Variants in CHD9 observed in about 807,000 individuals in gnomAD.
CHD9 encodes chromodomain helicase DNA binding protein 9.
In CHD9, 77 loss-of-function variants were observed where a neutral mutation model predicts 316.1. That is an observed-to-expected ratio of 0.24 (90% confidence interval 0.20 to 0.29). CHD9 has a LOEUF of 0.29. Ranked by LOEUF, CHD9 falls within the 10% of genes least tolerant of loss-of-function variation. CHD9 has a pLI of 1.00. For missense variants in CHD9, 2,763 were observed against 3,438.1 expected, an observed-to-expected ratio of 0.80 and a Z score of 4.91; for synonymous variants, 1,129 against 1,158.3, an observed-to-expected ratio of 0.97 and a Z score of 0.51.
At chr16:53,272,073 A>G (rs1239428075) in intron 22 of CHD9, among the ~76,000 whole-genome samples, 2 of 152,110 alleles carry the variant, frequency 1.3e-5, no homozygotes, top group Non-Finnish European at 2.9e-5. Flanking sequence ...AAATTGTTAG[A>G]TGGGGGGAAA....
At chr16:53,271,794 G>C (rs1329778322) in intron 22 of CHD9, among the ~76,000 whole-genome samples, 1 of 152,136 alleles carries the variant, frequency 6.6e-6, no homozygotes, top group African/African-American at 2.4e-5. Context: ...GTAAAAAGAA[G>C]ATTGAATGAT....
intron 13 of CHD9, among the ~76,000 whole-genome samples, chr16:53,244,981 T>G (rs1009884008): frequency 1.3e-4 from 20 of 152,080 alleles, no homozygotes; most frequent in African/African-American, 4.6e-4. Context: ...CCAGGTGTTG[T>G]GGTGCATACC....
intron 2 of CHD9, among the ~76,000 whole-genome samples, chr16:53,163,422 C>T (rs1483697028): frequency 3.3e-5 from 5 of 152,132 alleles, no homozygotes; most frequent in Non-Finnish European, 7.4e-5. Context: ...GTTCGTCAGG[C>T]TGGTCTTGAA....
chr16:53,184,404 A>G (rs895047973), intron 2 of CHD9, among the ~76,000 whole-genome samples: 8 of 151,868 alleles, frequency 5.3e-5, no homozygotes, highest in African/African-American at 1.5e-4. Context: ...TTAAATTTTC[A>G]TGGCTCACTG....
intron 24 of CHD9, among the ~76,000 whole-genome samples, chr16:53,283,242 A>G (rs2053575217): frequency 6.6e-6 from 1 of 152,214 alleles, no homozygotes; most frequent in Admixed American, 6.5e-5. Context: ...CATCTTTACA[A>G]GGGCATGTGC....
chr16:53,060,920 CTTT>C (rs549828992), intron 1 of CHD9, among the ~76,000 whole-genome samples: 1 of 99,414 alleles, frequency 1.0e-5, no homozygotes, highest in African/African-American at 4.0e-5. Flanking sequence ...GATGTTGTCT[CTTT>C]TTTTTTTTTT....
At chr16:53,319,433 C>T (rs1474648785) in intron 37 of CHD9, among the ~76,000 whole-genome samples, 2 of 152,144 alleles carry the variant, frequency 1.3e-5, no homozygotes, top group African/African-American at 2.4e-5. Context: ...TACACCAACT[C>T]TTTAAAGTTA....
intron 2 of CHD9, chr16:53,208,037 C>T: frequency 4.0e-6 from 4 of 993,694 alleles, no homozygotes; most frequent in Non-Finnish European, 4.8e-6. Flanking sequence ...TCTTTCTGTG[C>T]TTTGTTGGAA....
intron 37 of CHD9, 151 bp from the exon 38 acceptor site, chr16:53,321,375 T>G (rs1373279012): frequency 2.3e-5 from 32 of 1,382,804 alleles, no homozygotes; most frequent in Non-Finnish European, 2.8e-5. Context: ...AGGGTCACGG[T>G]GGGCCTTTTT....
chr16:53,166,206 G>A (rs1182332068), intron 2 of CHD9, among the ~76,000 whole-genome samples: 1 of 152,136 alleles, frequency 6.6e-6, no homozygotes, highest in Non-Finnish European at 1.5e-5. Context: ...ATTAAACTAT[G>A]TAGTATATTG....
Position 53,306,321 on chromosome 16 carries a change from A to T in CHD9, c.6704A>T (p.Gln2235Leu). ...CAGGATGAGACTCAGGATAGTTTTC[A>T]GATGAACAATGGGACACCAGAGTCT... is the stretch of plus-strand genomic sequence containing the variant. Reference protein sequence around the residue: ...TTQDETQDSFQMNNGTPESAY... With the variant: ...TTQDETQDSFLMNNGTPESAY... Residue 2235 changes from glutamine (Q) to leucine (L), a missense_variant, in exon 32 of 39, where the codon CAG becomes CTG. By Grantham distance (113) the Gln-to-Leu change is moderately radical (BLOSUM62 -2). Transcript: ENST00000447540. 1 of 1,612,152 alleles carries T rather than the reference A, an allele frequency of 6.2e-7. No homozygotes were observed. The highest frequency in any genetic ancestry group is 8.5e-7 in the Non-Finnish European group (1 of 1,179,080).
At chr16:53,261,359 C>CTTTTTTTTTT (rs1195811638) in intron 19 of CHD9, among the ~76,000 whole-genome samples, 1 of 61,880 alleles carries the variant, frequency 1.6e-5, no homozygotes. Context: ...GTGTTTTAGA[C>CTTTTTTTTTT]TTTTTTTTTT....
intron 36 of CHD9, among the ~76,000 whole-genome samples, chr16:53,315,354 A>C (rs1434090672): frequency 6.6e-6 from 1 of 152,252 alleles, no homozygotes; most frequent in Non-Finnish European, 1.5e-5. Flanking sequence ...ATTTTAAAAT[A>C]ATAATGATTA....
intron 34 of CHD9, among the ~76,000 whole-genome samples, chr16:53,310,243 A>G: frequency 6.6e-6 from 1 of 152,252 alleles, no homozygotes; most frequent in East Asian, 1.9e-4. Flanking sequence ...TTACTGTAGA[A>G]TAAATCCCCC....
intron 2 of CHD9, among the ~76,000 whole-genome samples, chr16:53,190,899 C>G (rs1471639930): frequency 6.6e-6 from 1 of 151,932 alleles, no homozygotes; most frequent in Non-Finnish European, 1.5e-5. Context: ...TAAAATTAAT[C>G]CTGTTACATA....
chr16:53,059,774 T>C (rs1272010387), intron 1 of CHD9, among the ~76,000 whole-genome samples: 1 of 152,232 alleles, frequency 6.6e-6, no homozygotes, highest in Non-Finnish European at 1.5e-5. Flanking sequence ...AGGGTTTCAG[T>C]TGCAACTGCA....
At chr16:53,297,731 A>G (rs1159850598) in intron 30 of CHD9, among the ~76,000 whole-genome samples, 2 of 152,226 alleles carry the variant, frequency 1.3e-5, no homozygotes, top group Non-Finnish European at 1.5e-5. Flanking sequence ...TATGTCATGA[A>G]CAGTTGTCTC....
chr16:53,083,814 G>A (rs1457222616), intron 1 of CHD9, among the ~76,000 whole-genome samples: 2 of 151,908 alleles, frequency 1.3e-5, no homozygotes, highest in Non-Finnish European at 2.9e-5. Flanking sequence ...GCAGTGGCAT[G>A]ATCATAGCTC....
At chr16:53,219,004 A>G (rs1370247051) in intron 3 of CHD9, among the ~76,000 whole-genome samples, 3 of 152,160 alleles carry the variant, frequency 2.0e-5, no homozygotes, top group African/African-American at 7.2e-5. Context: ...CAAGCAAAGT[A>G]ACGGATACCC....
Sources: gnomAD v4.1 joint callset for allele counts (sites outside exome capture counted in the v4.1 genomes callset) on GRCh38, gnomAD v4.1.1 for gene constraint, MANE v1.5 for transcripts, NCBI Gene and HGNC (gene_info 2026-07-23, HGNC 2026-07-21) for gene names.